DYM: variants seen among roughly 807,000 people sequenced by gnomAD.
The protein encoded by DYM is dymeclin, also known as dyggve-Melchior-Clausen syndrome protein.
In DYM, 78 loss-of-function variants were observed where a neutral mutation model predicts 93.1. That is an observed-to-expected ratio of 0.84 (90% CI 0.70 to 1.01). The LOEUF is 1.01. Among genes scored for constraint, DYM ranks in the 50% least tolerant of loss-of-function variants. The pLI is 0.00. For missense variants in DYM, 789 were observed against 845.0 expected (o/e 0.93, Z 0.82); for synonymous variants, 321 against 319.7 (o/e 1.00, Z -0.04).
At position 49,274,086 on chromosome 18, in the gene DYM, A is replaced by G. The variant is rs115042886; in HGVS notation, c.1126-1783T>C. The stretch of plus-strand genomic sequence containing the variant: ...TTACCATATACTCAGAAATATGTGT[A>G]ACCATCACCACAGGCAACTTGAAAA... On this transcript the variant is annotated intron_variant, in intron 10 of 17. Coordinates refer to ENST00000675505, the MANE Select transcript of DYM (RefSeq NM_001353214.3). Among the ~76,000 whole-genome samples, 527 of 152,208 alleles carry G rather than the reference A, an allele frequency of 3.5e-3. 4 individuals are homozygous for G. The highest frequency in any genetic ancestry group is 0.012 in the African/African-American group (488 of 41,562).
At chr18:49,278,465 T>A (rs752796886) in intron 10 of DYM, among the ~76,000 whole-genome samples, 1 of 152,074 alleles carries the variant, frequency 6.6e-6, no homozygotes, top group Non-Finnish European at 1.5e-5. Flanking sequence ...AGCAATATAG[T>A]GTTGAAGTGA....
intron 16 of DYM, among the ~76,000 whole-genome samples, chr18:49,112,416 T>C (rs2081503695): frequency 6.6e-6 from 1 of 152,130 alleles, no homozygotes; most frequent in African/African-American, 2.4e-5. Context: ...ACTTGTATGG[T>C]GGCTACCTAC....
chr18:49,361,072 A>G (rs1354593939), intron 6 of DYM, among the ~76,000 whole-genome samples: 2 of 152,222 alleles, frequency 1.3e-5, no homozygotes, highest in Non-Finnish European at 2.9e-5. Context: ...TGGAACCGCC[A>G]AAGTGTCTGA....
intron 14 of DYM, among the ~76,000 whole-genome samples, chr18:49,183,524 C>T (rs551367774): frequency 3.3e-5 from 5 of 152,128 alleles, no homozygotes; most frequent in Admixed American, 6.5e-5. Flanking sequence ...ATTTTCGATT[C>T]ACCCTTCAAA....
chr18:49,195,598 C>T (rs1408180361), intron 14 of DYM, among the ~76,000 whole-genome samples: 1 of 152,148 alleles, frequency 6.6e-6, no homozygotes, highest in Non-Finnish European at 1.5e-5. Flanking sequence ...ACTGCTTCTA[C>T]CCAGAATTGA....
At chr18:49,298,652 T>G (rs79397399) in intron 8 of DYM, among the ~76,000 whole-genome samples, 12,077 of 151,624 alleles carry the variant, frequency 0.08, 619 homozygotes, top group East Asian at 0.18. Context: ...CATATGGAAG[T>G]TTTTTTTAAG....
intron 13 of DYM, among the ~76,000 whole-genome samples, chr18:49,247,651 T>C (rs1440241540): frequency 2.0e-5 from 3 of 152,242 alleles, no homozygotes; most frequent in Admixed American, 2.0e-4. Flanking sequence ...GATAAACATA[T>C]GACATGTTTC....
chr18:49,176,591 T>G (rs899857004), intron 14 of DYM, among the ~76,000 whole-genome samples: 4 of 148,744 alleles, frequency 2.7e-5, no homozygotes, highest in African/African-American at 7.5e-5. Context: ...TTTTTTTTTT[T>G]TTTTGCAGAG....
chr18:49,251,398 G>T (rs2094284690), intron 13 of DYM, among the ~76,000 whole-genome samples: 1 of 152,158 alleles, frequency 6.6e-6, no homozygotes, highest in Non-Finnish European at 1.5e-5. Context: ...CAGTAAGATA[G>T]AATTTGAGAG....
rs573595469 is a variant in DYM, at chr18:49,459,918, CG to C, written c.-54+479del. On this transcript the variant is annotated intron_variant, in intron 1 of 17. Coordinates refer to ENST00000675505, the MANE Select transcript of DYM (RefSeq NM_001353214.3). ...CTAATGGGTACGAGCTTCTTTGGGGCGGGGGGGGCGGTGATTAAAAATGCTC... is the reference window on the plus strand; with the variant it reads ...CTAATGGGTACGAGCTTCTTTGGGGCGGGGGGGCGGTGATTAAAAATGCTC... Among the ~76,000 whole-genome samples, 8 of 133,726 alleles carry C rather than the reference CG, an allele frequency of 6.0e-5. No individual in the cohort carries two copies. The South Asian group carries it at 1.0e-3, about 17-fold the overall frequency. The allele number at this position is 133,726 out of a possible 152,430, so 87.7% of individuals were successfully genotyped here.
intron 16 of DYM, among the ~76,000 whole-genome samples, chr18:49,104,508 C>G (rs1241603917): frequency 6.6e-6 from 1 of 152,154 alleles, no homozygotes; most frequent in African/African-American, 2.4e-5. Flanking sequence ...AAAGGGAATG[C>G]TTCCAGTTTT....
intron 6 of DYM, among the ~76,000 whole-genome samples, chr18:49,350,980 A>C (rs1433483755): frequency 6.6e-6 from 1 of 152,200 alleles, no homozygotes; most frequent in Non-Finnish European, 1.5e-5. Flanking sequence ...AAAAGATGTA[A>C]AAAGTTGAGA....
chr18:49,232,603 CTTTTTTTTTTTT>C lies in DYM; in HGVS notation c.1461-22900_1461-22889del, dbSNP rs777802663. Among the ~76,000 whole-genome samples, 367 of 94,412 alleles carry C rather than the reference CTTTTTTTTTTTT, an allele frequency of 3.9e-3. 1 individual carries two copies. The highest frequency in any genetic ancestry group is 6.4e-3 in the Non-Finnish European group (297 of 46,318). The allele number at this position is 94,412 out of a possible 152,430, so 61.9% of individuals were successfully genotyped here. ...AGGCGTGAGCCACTGTGCCCGGCCT[CTTTTTTTTTTTT>C]TTTTTTTTTTTTGGAAACAGACTTG... On this transcript the variant is annotated intron_variant, in intron 13 of 17. Coordinates refer to ENST00000675505, the MANE Select transcript of DYM (RefSeq NM_001353214.3).
At chr18:49,413,378 A>C (rs1382906547) in intron 2 of DYM, among the ~76,000 whole-genome samples, 1 of 152,230 alleles carries the variant, frequency 6.6e-6, no homozygotes, top group African/African-American at 2.4e-5. Flanking sequence ...AGCATCTGAC[A>C]AACAGTGAGC....
At chr18:49,373,024 G>A (rs1195689335) in intron 5 of DYM, among the ~76,000 whole-genome samples, 1 of 152,040 alleles carries the variant, frequency 6.6e-6, no homozygotes, top group African/African-American at 2.4e-5. Context: ...ACAAGGGTGG[G>A]GGGTGCAGGG....
intron 14 of DYM, among the ~76,000 whole-genome samples, chr18:49,184,240 T>A (rs145336988): frequency 1.8e-4 from 3 of 16,360 alleles, no homozygotes; most frequent in East Asian, 4.4e-4. Context: ...AAAAACAAAA[T>A]TTTTTTTTTT....
intron 14 of DYM, among the ~76,000 whole-genome samples, chr18:49,203,522 G>C (rs1459312620): frequency 6.8e-6 from 1 of 147,020 alleles, no homozygotes; most frequent in Non-Finnish European, 1.5e-5. Context: ...AAATTCCTCT[G>C]CCTTGGGATC....
At chr18:49,250,781 A>C (rs1483179282) in intron 13 of DYM, among the ~76,000 whole-genome samples, 2 of 152,242 alleles carry the variant, frequency 1.3e-5, no homozygotes, top group African/African-American at 4.8e-5. Context: ...TTCTAGTTCC[A>C]GACCACATTT....
chr18:49,309,096 A>C (rs1447271581), intron 8 of DYM, among the ~76,000 whole-genome samples: 1 of 152,228 alleles, frequency 6.6e-6, no homozygotes, highest in East Asian at 1.9e-4. Flanking sequence ...AGAGCTAGAC[A>C]AGAGCATAAA....
Sources: allele counts gnomAD v4.1 joint callset (sites outside exome capture counted in the v4.1 genomes callset), GRCh38; gene constraint gnomAD v4.1.1; transcripts MANE v1.5; gene names NCBI Gene and HGNC (gene_info 2026-07-23, HGNC 2026-07-21).